CLSPN: variants seen among roughly 807,000 people sequenced by gnomAD.
CLSPN encodes claspin homolog.
In CLSPN, 85 loss-of-function variants were observed where a neutral mutation model predicts 156.3. The observed-to-expected ratio is 0.54, with a 90% confidence interval of 0.46 to 0.65. CLSPN has a LOEUF of 0.65. Among genes scored for constraint, CLSPN ranks in the 30% least tolerant of loss-of-function variants. The pLI is 0.00. For missense variants in CLSPN, 1,407 were observed against 1,554.9 expected (o/e 0.90, Z 1.60); for synonymous variants, 534 against 542.4 (o/e 0.98, Z 0.22).
At chr1:35,737,968 C>T (rs200910832) in intron 22 of CLSPN, 24 bp downstream of exon 22, 8 of 1,324,988 alleles carry the variant, frequency 6.0e-6, no homozygotes, top group Non-Finnish European at 8.2e-6. Flanking sequence ...GGGGGCTAGA[C>T]CCTAAGGAGA....
chr1:35,766,144 A>G (rs927747999), intron 1 of CLSPN, among the ~76,000 whole-genome samples: 6 of 149,012 alleles, frequency 4.0e-5, no homozygotes, highest in Admixed American at 2.0e-4. Flanking sequence ...ACAGGCGCAC[A>G]TCAACACACC....
chr1:35,758,401 T>G (rs1040299046), intron 8 of CLSPN, among the ~76,000 whole-genome samples: 3 of 152,062 alleles, frequency 2.0e-5, no homozygotes, highest in African/African-American at 7.2e-5. Context: ...TCCCAGCACT[T>G]TGGGAGGCTG....
At chr1:35,720,699 G>A in exon 25 of CLSPN, 1 of 372,490 alleles carries the variant, frequency 2.7e-6, no homozygotes, top group South Asian at 4.3e-5. Context: ...ACCCACCTCG[G>A]CCTCCCAAAG....
Position 35,753,903 on chromosome 1 carries a change from T to G in CLSPN, c.1613A>C (p.His538Pro), listed in dbSNP as rs745443333. 3 of 1,614,102 alleles carry G rather than the reference T, an allele frequency of 1.9e-6. No homozygotes were observed. Among genetic ancestry groups the G allele is most frequent in the Non-Finnish European group, 1.7e-6 (2 of 1,180,030 alleles). ...LEALKQRFWK[H>P]ANPAAKPRAG... Reference sequence around the variant, plus strand: ...CCTGGGTTTGGCTGCTGGATTAGCATGCTTCCAGAAACGCTGCTTCAAGGC... The same window carrying G: ...CCTGGGTTTGGCTGCTGGATTAGCAGGCTTCCAGAAACGCTGCTTCAAGGC... Residue 538 changes from histidine (H) to proline (P), a missense_variant, in exon 9 of 25, where the codon CAT becomes CCT. This residue lies in a region of CLSPN where 1,096 missense variants were observed against 1,193.0 expected (regional missense o/e 0.92). Coordinates refer to ENST00000318121, the MANE Select transcript of CLSPN (RefSeq NM_022111.4).
intron 18 of CLSPN, among the ~76,000 whole-genome samples, chr1:35,741,523 CCAGGCTGGT>C (rs986648845): frequency 1.3e-5 from 2 of 152,072 alleles, no homozygotes; most frequent in Non-Finnish European, 2.9e-5. Flanking sequence ...GCCATGTTGG[CCAGGCTGGT>C]CTCGAACTCC....
In CLSPN at chr1:35,761,134, G is replaced by C; in HGVS notation, c.966C>G (p.Pro322=). The C allele has an allele frequency of 6.2e-7, 1 of 1,613,682 alleles. No homozygotes were observed. The highest frequency in any genetic ancestry group is 8.5e-7 in the Non-Finnish European group (1 of 1,179,628). Residue 322 remains proline (P), a synonymous_variant, in exon 7 of 25, where the codon CCC becomes CCG. Coordinates refer to ENST00000318121, the MANE Select transcript of CLSPN (RefSeq NM_022111.4). ...KTIHDFFKRK[P]RPTCHGNAMA... Reference sequence around the variant, plus strand: ...TGGCATTTCCGTGGCAAGTGGGCCGGGGTTTACGTTTGAAGAAATCATGAA... The same window carrying C: ...TGGCATTTCCGTGGCAAGTGGGCCGCGGTTTACGTTTGAAGAAATCATGAA...
At chr1:35,724,672 TA>T (rs1247673376) in intron 24 of CLSPN, among the ~76,000 whole-genome samples, 2 of 152,218 alleles carry the variant, frequency 1.3e-5, no homozygotes, top group African/African-American at 4.8e-5. Context: ...TAATATGCCT[TA>T]AAAATTGTTC....
At position 35,733,294 on chromosome 1, in the gene CLSPN, T is replaced by A. The variant is rs1305962480; in HGVS notation, c.*3202A>T. ...AGAAACCATTTTCTCCCTGGATTTC[T>A]CAGGCACTAATTTTCTTTTTTTTTT... On this transcript the variant is annotated 3_prime_UTR_variant, in exon 25 of 25. Coordinates refer to ENST00000318121, the MANE Select transcript of CLSPN (RefSeq NM_022111.4). The A allele has an allele frequency of 9.2e-6, 2 of 218,002 alleles. No homozygotes were observed. The highest frequency in any genetic ancestry group is 4.7e-5 in the African/African-American group (2 of 42,318). 13.5% of individuals were successfully genotyped at this position (218,002 alleles called of 1,614,324 possible).
Position 35,738,097 on chromosome 1 carries a change from C to G in CLSPN, c.3559G>C (p.Ala1187Pro). ...IEREQWLRDM[A>P]QQGKITAEEE... The stretch of plus-strand genomic sequence containing the variant: ...TCAGCTGTAATTTTCCCCTGCTGTG[C>G]CTGAAAAAAAAAAAAAATATATATA... The change falls in exon 22 of 25, where the codon GCA (alanine) becomes CCA (proline). Residue 1187 changes from alanine (A) to proline (P), a missense_variant and splice_region_variant. Around this residue, in one of 3 missense-constraint regions of CLSPN, gnomAD observed 241 missense variants for 240.5 expected, o/e 1.00. Transcript: ENST00000318121. 3.2e-6 allele frequency: 3 copies of G among 936,888 alleles called. No individual in the cohort carries two copies. Among genetic ancestry groups the G allele is most frequent in the Non-Finnish European group, 2.8e-6 (2 of 715,114 alleles). The allele number at this position is 936,888 out of a possible 1,614,324, so 58.0% of individuals were successfully genotyped here.
At chr1:35,750,369 A>AAATAC (rs1456922249) in intron 10 of CLSPN, among the ~76,000 whole-genome samples, 1 of 151,814 alleles carries the variant, frequency 6.6e-6, no homozygotes, top group African/African-American at 2.4e-5. Flanking sequence ...AAATAAAATA[A>AAATAC]AGTGATCCCA....
chr1:35,755,232 C>T (rs1181848454), intron 8 of CLSPN, among the ~76,000 whole-genome samples: 2 of 151,838 alleles, frequency 1.3e-5, no homozygotes, highest in Admixed American at 6.6e-5. Flanking sequence ...CTGAGATAGC[C>T]AGGACTATAG....
Position 35,765,300 on chromosome 1 carries a change from G to T in CLSPN, c.51C>A (p.Asn17Lys), listed in dbSNP as rs368448130. 7.4e-6 allele frequency: 12 copies of T among 1,613,082 alleles called. No homozygotes were observed. Among genetic ancestry groups the T allele is most frequent in the African/African-American group, 1.3e-5 (1 of 74,866 alleles). ...SEVHLEINDP[N>K]VISQEEADSP... ...TATCTGCTTCCTCTTGTGAAATGACGTTTGGGTCATTGATTTCTAGGTGAA... is the reference window on the plus strand; with the variant it reads ...TATCTGCTTCCTCTTGTGAAATGACTTTTGGGTCATTGATTTCTAGGTGAA... The change falls in exon 2 of 25, where the codon AAC becomes AAA. Residue 17 changes from asparagine (N) to lysine (K), a missense_variant. Physicochemically the swap from Asn to Lys is moderately conservative, Grantham distance 94 (BLOSUM62 0). Transcript: ENST00000318121.
At chr1:35,749,559 A>G in intron 11 of CLSPN, 28 bp from the exon 12 acceptor site, 2 of 1,614,108 alleles carry the variant, frequency 1.2e-6, no homozygotes, top group Non-Finnish European at 8.5e-7. Flanking sequence ...AAATTGGTTC[A>G]GTATCTGTTC....
In CLSPN at chr1:35,733,008, A is replaced by G; in HGVS notation, c.*3488T>C. The G allele has an allele frequency of 8.5e-6, 8 of 945,492 alleles. No individual in the cohort carries two copies. Among genetic ancestry groups the G allele is most frequent in the Non-Finnish European group, 1.0e-5 (8 of 793,880 alleles). 58.6% of individuals were successfully genotyped at this position (945,492 alleles called of 1,614,324 possible). On this transcript the variant is annotated 3_prime_UTR_variant, in exon 25 of 25. Coordinates refer to ENST00000318121, the MANE Select transcript of CLSPN (RefSeq NM_022111.4). ...GAGAGGGAGTCTCACTCTGTCGCCC[A>G]TGCTGGAGAGCAGTGGCGTGATCTC... is the stretch of plus-strand genomic sequence containing the variant.
chr1:35,762,625 A>G, intron 4 of CLSPN, 144 bp from the exon 5 acceptor site: 1 of 658,188 alleles, frequency 1.5e-6, no homozygotes, highest in Admixed American at 2.5e-5. Flanking sequence ...TTAAACACAC[A>G]GCATCCTATT....
intron 10 of CLSPN, 149 bp downstream of exon 10, chr1:35,751,101 A>G: frequency 1.1e-6 from 1 of 909,926 alleles, no homozygotes; most frequent in East Asian, 2.4e-5. Context: ...GAAGTTCCTA[A>G]GATTTAGGGA....
At chr1:35,755,835 A>G (rs140508523) in intron 8 of CLSPN, among the ~76,000 whole-genome samples, 1 of 152,230 alleles carries the variant, frequency 6.6e-6, no homozygotes, top group Non-Finnish European at 1.5e-5. Context: ...CACCCTCCCA[A>G]GTAGCTAGGA....
At chr1:35,765,170 C>G (rs766902557) in intron 2 of CLSPN, 48 bp downstream of exon 2, 1 of 1,106,180 alleles carries the variant, frequency 9.0e-7, no homozygotes, top group South Asian at 1.3e-5. Context: ...CTACTTACAA[C>G]TGAGGCTCCC....
In CLSPN at chr1:35,749,669, G is replaced by A. The variant is rs779951427; in HGVS notation, c.2171C>T (p.Thr724Ile). 9 of 1,614,164 alleles carry A rather than the reference G, an allele frequency of 5.6e-6. No homozygotes were observed. Among genetic ancestry groups the A allele is most frequent in the Non-Finnish European group, 6.8e-6 (8 of 1,179,998 alleles). Residue 724 changes from threonine (T) to isoleucine (I), a missense_variant, in exon 11 of 25, where the codon ACT (threonine) becomes ATT (isoleucine). Physicochemically the swap from Thr to Ile is moderately conservative, Grantham distance 89. Around this residue, in one of 3 missense-constraint regions of CLSPN, gnomAD observed 1,096 missense variants for 1,193.0 expected, o/e 0.92. Coordinates refer to ENST00000318121, the MANE Select transcript of CLSPN (RefSeq NM_022111.4). ...SVPKSLSSDSTLLLFKDSSSK... is the reference protein window; with the variant it reads ...SVPKSLSSDSILLLFKDSSSK... Reference sequence around the variant, plus strand: ...AGAGCTGTCCTTAAACAGAAGTAAAGTAGAATCTGATGAGAGAGACTTGGG... The same window carrying A: ...AGAGCTGTCCTTAAACAGAAGTAAAATAGAATCTGATGAGAGAGACTTGGG...
Sources: allele counts gnomAD v4.1 joint callset (sites outside exome capture counted in the v4.1 genomes callset), GRCh38; gene constraint gnomAD v4.1.1; regional missense constraint gnomAD v4.1.1; transcripts MANE v1.5; gene names NCBI Gene and HGNC (gene_info 2026-07-23, HGNC 2026-07-21).